Variants in PDE10A observed in about 807,000 individuals in gnomAD.
PDE10A encodes cAMP and cAMP-inhibited cGMP 3',5'-cyclic phosphodiesterase 10A.
Under a neutral mutation model 97.7 loss-of-function variants are expected in PDE10A, and 39 were observed. The ratio of observed to expected loss-of-function variants is 0.40; its 90% confidence interval spans 0.31 to 0.52. PDE10A has a LOEUF of 0.52. Among genes scored for constraint, PDE10A ranks in the 20% least tolerant of loss-of-function variants. The pLI is 0.56. For synonymous variants in PDE10A, 371 were observed against 376.8 expected (o/e 0.98, Z 0.18); for missense variants, 731 against 1,047.8 (o/e 0.70, Z 4.17).
chr6:165,517,774 C>T (rs2128306189), intron 2 of PDE10A, among the ~76,000 whole-genome samples: 1 of 152,290 alleles, frequency 6.6e-6, no homozygotes, highest in East Asian at 1.9e-4. Flanking sequence ...ATTCTTCATG[C>T]TGAGGTCAGT....
chr6:165,964,110 A>T (rs1784438138), intron 1 of PDE10A, among the ~76,000 whole-genome samples: 1 of 152,126 alleles, frequency 6.6e-6, no homozygotes, highest in Non-Finnish European at 1.5e-5. Flanking sequence ...GAAATTATTC[A>T]TTTTAGCTAT....
chr6:165,547,346 T>C (rs1223034540), intron 1 of PDE10A, among the ~76,000 whole-genome samples: 2 of 152,092 alleles, frequency 1.3e-5, no homozygotes, highest in East Asian at 1.9e-4. Flanking sequence ...CACACGGGTA[T>C]TGATAGACTG....
chr6:165,572,261 A>C (rs1785084863), intron 1 of PDE10A, among the ~76,000 whole-genome samples: 1 of 152,212 alleles, frequency 6.6e-6, no homozygotes, highest in African/African-American at 2.4e-5. Context: ...GACGACTACC[A>C]AGGTACTCTT....
At chr6:165,357,721 T>A (rs958446249) in intron 18 of PDE10A, among the ~76,000 whole-genome samples, 1 of 146,614 alleles carries the variant, frequency 6.8e-6, no homozygotes, top group African/African-American at 2.6e-5. Flanking sequence ...ACTGTCAACA[T>A]TGGCAATTGG....
At chr6:165,537,445 T>C (rs983398357) in intron 2 of PDE10A, among the ~76,000 whole-genome samples, 1 of 152,042 alleles carries the variant, frequency 6.6e-6, no homozygotes, top group Non-Finnish European at 1.5e-5. Flanking sequence ...TGATAAATGT[T>C]CGCAGTAGTG....
chr6:165,697,444 A>G (rs760533478), intron 1 of PDE10A, among the ~76,000 whole-genome samples: 2 of 152,226 alleles, frequency 1.3e-5, no homozygotes, highest in Non-Finnish European at 2.9e-5. Context: ...TCAGACAAAG[A>G]AAAACATTCC....
At chr6:165,602,545 A>G (rs1187916908) in intron 1 of PDE10A, among the ~76,000 whole-genome samples, 2 of 152,218 alleles carry the variant, frequency 1.3e-5, no homozygotes, top group Admixed American at 1.3e-4. Flanking sequence ...AAGCAGATAT[A>G]CCATGAAGTT....
intron 1 of PDE10A, among the ~76,000 whole-genome samples, chr6:165,741,587 T>C (rs1238367415): frequency 6.6e-6 from 1 of 152,166 alleles, no homozygotes; most frequent in African/African-American, 2.4e-5. Flanking sequence ...AACGTTCTAC[T>C]CCATGAATGA....
rs767265217 is a variant in PDE10A at position 165,732,605 on chromosome 6, T to C, written c.-614-189037A>G. Among the ~76,000 whole-genome samples, 3 of 152,204 alleles carry C rather than the reference T, an allele frequency of 2.0e-5. No homozygotes were observed. In the South Asian group the frequency reaches 6.2e-4, roughly 32 times the overall value. On this transcript the variant is annotated intron_variant, in intron 1 of 19. Coordinates refer to the PDE10A transcript ENST00000366882. ...GAGCAGGCCAGTCCATCTCTAACCATGTCATTAACATGAGTGGGCTCATTG... is the reference window on the plus strand; with the variant it reads ...GAGCAGGCCAGTCCATCTCTAACCACGTCATTAACATGAGTGGGCTCATTG...
chr6:165,948,450 G>A (rs1456236639), intron 1 of PDE10A: 1 of 152,290 alleles, frequency 6.6e-6, no homozygotes, highest in African/African-American at 2.4e-5. Flanking sequence ...GAGAGCAGAG[G>A]AGCTTGCACC....
At chr6:165,855,359 T>C (rs1780702244) in intron 1 of PDE10A, among the ~76,000 whole-genome samples, 1 of 147,798 alleles carries the variant, frequency 6.8e-6, no homozygotes, top group Admixed American at 6.7e-5. Flanking sequence ...CTGGTAGCCT[T>C]GGGTGCCAGG....
intron 1 of PDE10A, among the ~76,000 whole-genome samples, chr6:165,748,386 G>T (rs184783996): frequency 8.3e-4 from 127 of 152,138 alleles, no homozygotes; most frequent in African/African-American, 2.9e-3. Context: ...TTTCAGTCTG[G>T]GTACTGTGCT....
At chr6:165,464,446 T>C (rs576717779) in intron 3 of PDE10A, among the ~76,000 whole-genome samples, 8 of 152,330 alleles carry the variant, frequency 5.3e-5, no homozygotes. Flanking sequence ...AAGTCTAGAA[T>C]ACACAGAGGT....
intron 1 of PDE10A, among the ~76,000 whole-genome samples, chr6:165,603,398 A>T (rs1034122576): frequency 6.6e-6 from 1 of 152,250 alleles, no homozygotes; most frequent in Non-Finnish European, 1.5e-5. Flanking sequence ...GAAAACATAG[A>T]ATCACAGAAA....
At chr6:165,382,658 A>T (rs1263599732) in intron 17 of PDE10A, among the ~76,000 whole-genome samples, 1 of 152,142 alleles carries the variant, frequency 6.6e-6, no homozygotes, top group Non-Finnish European at 1.5e-5. Flanking sequence ...GTATTAAAAT[A>T]TGTACAAAAT....
chr6:165,339,356 A>G lies in PDE10A; in HGVS notation c.2898T>C (p.Gly966=), dbSNP rs892486514. 4 of 1,567,582 alleles carry G rather than the reference A, an allele frequency of 2.6e-6. No homozygotes were observed. In the African/African-American group the frequency reaches 4.1e-5, roughly 16 times the overall value. The change falls in exon 20 of 22, where the codon GGT becomes GGC. Residue 966 remains glycine, a splice_region_variant and synonymous_variant. Coordinates refer to ENST00000539869, the MANE Select transcript of PDE10A (RefSeq NM_001385079.1). ...NDIYAEFWAE[G]DEMKKLGIQP... is the part of the protein sequence containing the mutation. ...GTATTCCCAATTTCTTCATTTCATC[A>G]CCCTAAGATGAATGGGGAGAAAATC...
chr6:165,812,953 C>G (rs1303772049), intron 1 of PDE10A, among the ~76,000 whole-genome samples: 2 of 152,156 alleles, frequency 1.3e-5, no homozygotes, highest in Non-Finnish European at 2.9e-5. Context: ...TGCAAAGTAT[C>G]CACCCCTAAT....
chr6:165,764,338 C>T (rs1425200656), intron 1 of PDE10A, among the ~76,000 whole-genome samples: 1 of 152,194 alleles, frequency 6.6e-6, no homozygotes, highest in Non-Finnish European at 1.5e-5. Context: ...TAGAAAATCA[C>T]ACTGGTTTTT....
intron 1 of PDE10A, among the ~76,000 whole-genome samples, chr6:165,812,838 G>A (rs1314280221): frequency 2.6e-5 from 4 of 152,122 alleles, no homozygotes; most frequent in Non-Finnish European, 5.9e-5. Flanking sequence ...TTGACCCCGA[G>A]AGAGCTTAAG....
Sources: allele counts gnomAD v4.1 joint callset (sites outside exome capture counted in the v4.1 genomes callset), GRCh38; gene constraint gnomAD v4.1.1; transcripts MANE v1.5; gene names NCBI Gene and HGNC (gene_info 2026-07-23, HGNC 2026-07-21).